The following SYNE1 variants were observed in gnomAD, a reference collection of about 807,000 sequenced individuals.
The protein encoded by SYNE1 is spectrin repeat containing nuclear envelope protein 1, also known as nesprin-1.
SYNE1 carries 616 observed loss-of-function variants against 1,111.0 expected under a neutral mutation model. The observed-to-expected ratio is 0.55, with a 90% confidence interval of 0.52 to 0.59. SYNE1 has a LOEUF of 0.59. SYNE1 is among the 20% of genes least tolerant of loss of function. The pLI is 0.00. For synonymous variants in SYNE1, 3,855 were observed against 3,825.8 expected (o/e 1.01, Z -0.28); for missense variants, 10,006 against 10,417.0 (o/e 0.96, Z 1.72).
chr6:152,634,586 G>T (rs569233555), intron 2 of SYNE1, among the ~76,000 whole-genome samples: 1 of 152,160 alleles, frequency 6.6e-6, no homozygotes, highest in African/African-American at 2.4e-5. Context: ...ATGTGTGCAG[G>T]TTATCAGGGA....
Position 152,220,877 on chromosome 6 carries a change from C to A in SYNE1, c.21826G>T (p.Asp7276Tyr). 1 of 1,614,088 alleles carries A rather than the reference C, an allele frequency of 6.2e-7. No individual in the cohort carries two copies. The highest frequency in any genetic ancestry group is 8.5e-7 in the Non-Finnish European group (1 of 1,179,988). Reference sequence around the variant, plus strand: ...TGAATCCATGTGGCAACCTCATCATCGGCAATGTCCTTGTTTGTGGCTGCC... The same window carrying A: ...TGAATCCATGTGGCAACCTCATCATAGGCAATGTCCTTGTTTGTGGCTGCC... ...LKAATNKDIA[D>Y]DEVATWIQDC... The change falls in exon 119 of 146, where the codon GAT becomes TAT. Residue 7276 changes from aspartate to tyrosine, a missense_variant. By Grantham distance (160) the Asp-to-Tyr change is radical (BLOSUM62 -3). Coordinates refer to ENST00000367255, the MANE Select transcript of SYNE1 (RefSeq NM_182961.4).
chr6:152,335,484 A>G (rs1004493770), intron 76 of SYNE1: 1 of 152,176 alleles, frequency 6.6e-6, no homozygotes, highest in African/African-American at 2.4e-5. Flanking sequence ...AGGATGGTTC[A>G]CAAATTTTTT....
chr6:152,226,123 A>T (rs1378734688), intron 115 of SYNE1, among the ~76,000 whole-genome samples: 1 of 152,200 alleles, frequency 6.6e-6, no homozygotes, highest in Non-Finnish European at 1.5e-5. Flanking sequence ...CTACCAGATA[A>T]GGAAATGGTA....
chr6:152,189,200 A>T, intron 128 of SYNE1, 52 bp downstream of exon 128: 1 of 1,603,148 alleles, frequency 6.2e-7, no homozygotes, highest in South Asian at 1.1e-5. Context: ...GTTCAAATTC[A>T]TCTCCCAATT....
chr6:152,387,484 C>T (rs2097541767), intron 53 of SYNE1, 103 bp from the exon 54 acceptor site: 3 of 1,182,372 alleles, frequency 2.5e-6, no homozygotes, highest in Non-Finnish European at 2.5e-6. Context: ...TTATTGAATG[C>T]TACTGGAAGT....
At chr6:152,502,346 A>G (rs2154327108) in intron 10 of SYNE1, among the ~76,000 whole-genome samples, 1 of 152,334 alleles carries the variant, frequency 6.6e-6, no homozygotes, top group South Asian at 2.1e-4. Flanking sequence ...TTCAATTCTC[A>G]GATCACTAAG....
rs550088683 is a variant in SYNE1 at position 152,358,531 on chromosome 6, C to T, written c.10450G>A (p.Val3484Ile). The T allele has an allele frequency of 2.4e-5, 39 of 1,614,048 alleles. No homozygotes were observed. The highest frequency in any genetic ancestry group is 1.5e-4 in the South Asian group (14 of 91,078). Residue 3484 changes from valine to isoleucine, a missense_variant, in exon 66 of 146, where the codon GTA (valine) becomes ATA (isoleucine). By Grantham distance (29) the Val-to-Ile change is conservative. This residue lies in a region of SYNE1 where 4,955 missense variants were observed against 5,017.2 expected (regional missense o/e 0.99). Transcript: ENST00000367255. ...RAIQERAKEAVTKSEKLVRLH... is the reference protein window; with the variant it reads ...RAIQERAKEAITKSEKLVRLH... ...CGGACAAGTTTTTCAGACTTGGTTA[C>T]GGCTTCCTATAATTAGCATTTAAAA...
chr6:152,624,824 G>A (rs1176319118), intron 3 of SYNE1, among the ~76,000 whole-genome samples: 6 of 152,162 alleles, frequency 3.9e-5, no homozygotes, highest in Non-Finnish European at 7.3e-5. Context: ...ATCTCTGTGT[G>A]TGCTTTAATT....
At chr6:152,614,298 C>A (rs1255074905) in intron 3 of SYNE1, among the ~76,000 whole-genome samples, 1 of 152,128 alleles carries the variant, frequency 6.6e-6, no homozygotes, top group East Asian at 1.9e-4. Context: ...AAAAAACAAA[C>A]AACCCCATCA....
chr6:152,367,560 A>G (rs1468691201), intron 61 of SYNE1, 178 bp from the exon 62 acceptor site: 2 of 721,296 alleles, frequency 2.8e-6, no homozygotes, highest in Admixed American at 4.7e-5. Context: ...TAAAACTATT[A>G]GAATAACTGG....
intron 142 of SYNE1, chr6:152,133,720 C>A: frequency 1.7e-6 from 1 of 578,786 alleles, no homozygotes; most frequent in South Asian, 2.0e-5. Flanking sequence ...GATTTGATGC[C>A]TGGTCCACAG....
At chr6:152,227,924 G>A (rs955028640) in intron 115 of SYNE1, among the ~76,000 whole-genome samples, 6 of 151,964 alleles carry the variant, frequency 3.9e-5, no homozygotes, top group Non-Finnish European at 7.4e-5. Flanking sequence ...GATCAAAAAG[G>A]GGAAAGGCCA....
At chr6:152,221,653 T>C (rs1262244115) in intron 117 of SYNE1, 94 bp from the exon 118 acceptor site, 2 of 1,500,386 alleles carry the variant, frequency 1.3e-6, no homozygotes, top group Admixed American at 3.4e-5. Flanking sequence ...CATAAATATG[T>C]ACATATACTT....
chr6:152,156,391 C>T (rs1330336082), intron 131 of SYNE1, among the ~76,000 whole-genome samples: 2 of 152,234 alleles, frequency 1.3e-5, no homozygotes, highest in Non-Finnish European at 2.9e-5. Context: ...ATGAATCTTG[C>T]CCCAGACTCT....
At chr6:152,375,491 T>C (rs1379699814) in intron 58 of SYNE1, among the ~76,000 whole-genome samples, 3 of 152,040 alleles carry the variant, frequency 2.0e-5, no homozygotes, top group East Asian at 1.9e-4. Flanking sequence ...GACATACAGG[T>C]ACGAAAAGCA....
chr6:152,202,346 C>CAAAAAAAAAAAAAAAAAAA (rs35563822), intron 126 of SYNE1, among the ~76,000 whole-genome samples: 2 of 48,058 alleles, frequency 4.2e-5, no homozygotes, highest in African/African-American at 6.5e-5. Context: ...GACTCTGTCT[C>CAAAAAAAAAAAAAAAAAAA]AAAAAAAAAA....
intron 91 of SYNE1, among the ~76,000 whole-genome samples, chr6:152,305,390 C>T (rs550671587): frequency 2.6e-4 from 40 of 152,172 alleles, no homozygotes; most frequent in Middle Eastern, 3.4e-3. Context: ...CTCAGCCTCC[C>T]GAGTAGCTGA....
chr6:152,241,751 G>T (rs2085766001), intron 107 of SYNE1, among the ~76,000 whole-genome samples: 1 of 152,184 alleles, frequency 6.6e-6, no homozygotes, highest in Non-Finnish European at 1.5e-5. Context: ...CCCTGGATCT[G>T]AGTAGTCAGC....
intron 101 of SYNE1, 113 bp downstream of exon 101, chr6:152,261,919 T>C: frequency 5.0e-6 from 4 of 807,672 alleles, no homozygotes; most frequent in Non-Finnish European, 7.3e-6. Context: ...ATTGGTGTCA[T>C]GTCTTAGTTT....
Sources: gnomAD v4.1 joint callset for allele counts (sites outside exome capture counted in the v4.1 genomes callset) on GRCh38, gnomAD v4.1.1 for gene constraint, gnomAD v4.1.1 regional missense constraint, MANE v1.5 for transcripts, NCBI Gene and HGNC (gene_info 2026-07-23, HGNC 2026-07-21) for gene names.